The following ZNF670 variants were observed in gnomAD, a reference collection of about 807,000 sequenced individuals.
ZNF670 encodes zinc finger protein 670.
In ZNF670, 7 loss-of-function variants were observed where a neutral mutation model predicts 10.9. That is an observed-to-expected ratio of 0.64 (90% CI 0.36 to 1.20). The LOEUF is 1.20. Ranked by LOEUF, ZNF670 falls within the 50% of genes most tolerant of loss-of-function variation. The pLI, the probability that ZNF670 is intolerant of heterozygous loss-of-function variation, is 0.02. For missense variants in ZNF670, 446 were observed against 458.6 expected, an observed-to-expected ratio of 0.97 and a Z score of 0.25; for synonymous variants, 136 against 152.7, an observed-to-expected ratio of 0.89 and a Z score of 0.81.
chr1:247,074,078 G>C (rs1333398423), intron 1 of ZNF670, among the ~76,000 whole-genome samples: 1 of 152,064 alleles, frequency 6.6e-6, no homozygotes, highest in East Asian at 1.9e-4. Context: ...TGTTCTCCAG[G>C]AACAGCTTGG....
rs575658420 is a variant in ZNF670, at chr1:247,036,957, G to A, written c.*492C>T. On this transcript the variant is annotated 3_prime_UTR_variant, in exon 4 of 4. Transcript: ENST00000366503. ...TTAGAGAACAATTAAACAACTACAT[G>A]AAAATTAAAATTGCCTACTATTAGA... 1 of 152,542 alleles carries A rather than the reference G, an allele frequency of 6.6e-6. No homozygotes were observed. Among genetic ancestry groups the A allele is most frequent in the South Asian group, 2.0e-4 (1 of 4,926 alleles). 9.4% of individuals were successfully genotyped at this position (152,542 alleles called of 1,614,324 possible). A position where few individuals can be genotyped will look rare whatever the true frequency, so the allele number is the denominator to read the frequency against.
Position 247,036,371 on chromosome 1 carries a change from G to C in ZNF670, c.*1078C>G, listed in dbSNP as rs1670150168. On this transcript the variant is annotated 3_prime_UTR_variant, in exon 4 of 4. Transcript: ENST00000366503. ...TCTTCTTAATTCAAAGTAAAAAGTGGGCCAGGTGTGGTAGCTCATGTCAGT... is the reference window on the plus strand; with the variant it reads ...TCTTCTTAATTCAAAGTAAAAAGTGCGCCAGGTGTGGTAGCTCATGTCAGT... 6.6e-6 allele frequency among the ~76,000 whole-genome samples: 1 copy of C among 152,144 alleles called. No individual in the cohort carries two copies. Among genetic ancestry groups the C allele is most frequent in the Non-Finnish European group, 1.5e-5 (1 of 68,018 alleles).
At position 247,068,319 on chromosome 1, in the gene ZNF670, C is replaced by CAAAAAAAAAAAAAAAAAAAAAAA. The variant is rs74163724; in HGVS notation, c.3+10274_3+10275insTTTTTTTTTTTTTTTTTTTTTTT. On this transcript the variant is annotated intron_variant, in intron 1 of 3. Transcript: ENST00000366503. The stretch of plus-strand genomic sequence containing the variant: ...AGGTGACAGAGTAAGATTCTGTCTC[C>CAAAAAAAAAAAAAAAAAAAAAAA]AAAAAAAAAAAAAAAAAAGATGGGC... Among the ~76,000 whole-genome samples the CAAAAAAAAAAAAAAAAAAAAAAA allele has an allele frequency of 1.1e-3, 60 of 55,208 alleles. 4 individuals are homozygous for CAAAAAAAAAAAAAAAAAAAAAAA. The highest frequency in any genetic ancestry group is 2.5e-3 in the African/African-American group (24 of 9,700). The allele number at this position is 55,208 out of a possible 152,430, so 36.2% of individuals were successfully genotyped here.
rs141814433 is a variant in ZNF670, at chr1:247,075,143, A to T, written c.3+3451T>A. Among the ~76,000 whole-genome samples, 451 of 152,342 alleles carry T rather than the reference A, an allele frequency of 3.0e-3. 5 individuals are homozygous for T. Among genetic ancestry groups the T allele is most frequent in the African/African-American group, 0.01 (436 of 41,566 alleles). Reference sequence around the variant, plus strand: ...ATACCTCAACTGGAAAAGCCAAAGTATCTATCCCTATCATATAATAAATAT... The same window carrying T: ...ATACCTCAACTGGAAAAGCCAAAGTTTCTATCCCTATCATATAATAAATAT... On this transcript the variant is annotated intron_variant, in intron 1 of 3. Transcript: ENST00000366503.
intron 1 of ZNF670, among the ~76,000 whole-genome samples, chr1:247,077,989 A>G (rs190913549): frequency 4.3e-4 from 65 of 152,330 alleles, no homozygotes; most frequent in African/African-American, 6.7e-4. Context: ...GCCTTAAACA[A>G]CCACGAACCC....
chr1:247,037,555 T>C lies in ZNF670; in HGVS notation c.1064A>G (p.His355Arg), dbSNP rs372416787. Residue 355 changes from histidine to arginine, a missense_variant, in exon 4 of 4, where the codon CAT (histidine) becomes CGT (arginine). Transcript: ENST00000366503. ...SFTSSSALRS[H>R]ERTHTGEKPY... ...TTTTTCTCCAGTATGAGTCCTTTCA[T>C]GGCTTCGAAGGGCACTGGAAGAAGT... 9.9e-6 allele frequency: 16 copies of C among 1,614,032 alleles called. No homozygotes were observed. The African/African-American group carries it at 1.5e-4, about 15-fold the overall frequency.
At position 247,035,283 on chromosome 1, in the gene ZNF670, T is replaced by C. The variant is rs548694719; in HGVS notation, c.*2166A>G. ...GACACCCATGAGTGTACAGATAAGATTGAGAGAAGTTATTAGTTACATACA... is the reference window on the plus strand; with the variant it reads ...GACACCCATGAGTGTACAGATAAGACTGAGAGAAGTTATTAGTTACATACA... On this transcript the variant is annotated 3_prime_UTR_variant, in exon 4 of 4. Transcript: ENST00000366503. Among the ~76,000 whole-genome samples, 74 of 152,204 alleles carry C rather than the reference T, an allele frequency of 4.9e-4. No individual in the cohort carries two copies. Among genetic ancestry groups the C allele is most frequent in the Admixed American group, 2.4e-3 (37 of 15,290 alleles).
chr1:247,076,164 A>T (rs998313861), intron 1 of ZNF670, among the ~76,000 whole-genome samples: 2 of 152,094 alleles, frequency 1.3e-5, no homozygotes, highest in African/African-American at 4.8e-5. Context: ...TCACTGCATC[A>T]CTTTGGAGAT....
intron 1 of ZNF670, among the ~76,000 whole-genome samples, chr1:247,074,859 C>T (rs1020892331): frequency 6.6e-6 from 1 of 152,194 alleles, no homozygotes; most frequent in African/African-American, 2.4e-5. Context: ...AGGTACTGCT[C>T]CATGGCCCAG....
At position 247,037,771 on chromosome 1, in the gene ZNF670, C is replaced by T; in HGVS notation, c.848G>A (p.Cys283Tyr). Residue 283 changes from cysteine to tyrosine, a missense_variant, in exon 4 of 4, where the codon TGT (cysteine) becomes TAT (tyrosine). Coordinates refer to ENST00000366503, the MANE Select transcript of ZNF670 (RefSeq NM_033213.5). Reference sequence around the variant, plus strand: ...TCTAAAGGCTTTGCCACATTTTATACATTCATAGGGTTTTTCTCCAGTATG... The same window carrying T: ...TCTAAAGGCTTTGCCACATTTTATATATTCATAGGGTTTTTCTCCAGTATG... ...RTHTGEKPYE[C>Y]IKCGKAFRCS... 1 of 1,613,900 alleles carries T rather than the reference C, an allele frequency of 6.2e-7. No individual in the cohort carries two copies. The highest frequency in any genetic ancestry group is 1.1e-5 in the South Asian group (1 of 91,048).
intron 1 of ZNF670, among the ~76,000 whole-genome samples, chr1:247,068,597 T>C (rs920701316): frequency 2.7e-5 from 4 of 150,520 alleles, no homozygotes; most frequent in Non-Finnish European, 4.4e-5. Context: ...GGAGAAAACT[T>C]TGGAGATTCC....
rs1670141132 is a variant in ZNF670 at position 247,036,003 on chromosome 1, G to T, written c.*1446C>A. Among the ~76,000 whole-genome samples, 1 of 152,148 alleles carries T rather than the reference G, an allele frequency of 6.6e-6. No homozygotes were observed. Among genetic ancestry groups the T allele is most frequent in the African/African-American group, 2.4e-5 (1 of 41,422 alleles). On this transcript the variant is annotated 3_prime_UTR_variant, in exon 4 of 4. Transcript: ENST00000366503. Reference sequence around the variant, plus strand: ...TCGGAGCATTTCAGATTTGGTATTGGAATCTGGGGTTTACAGATGTTCAAC... The same window carrying T: ...TCGGAGCATTTCAGATTTGGTATTGTAATCTGGGGTTTACAGATGTTCAAC...
intron 1 of ZNF670, among the ~76,000 whole-genome samples, chr1:247,063,299 C>T (rs538592656): frequency 7.9e-5 from 12 of 152,210 alleles, no homozygotes; most frequent in Admixed American, 3.3e-4. Context: ...GAAGGCCAGG[C>T]GCGGTGGCTC....
At chr1:247,072,825 T>TATATATATATAC (rs1314965430) in intron 1 of ZNF670, among the ~76,000 whole-genome samples, 3 of 92,906 alleles carry the variant, frequency 3.2e-5, no homozygotes, top group Non-Finnish European at 6.4e-5. Flanking sequence ...TATATATATA[T>TATATATATATAC]ATATATATAT....
At chr1:247,052,183 G>T (rs553266415) in intron 1 of ZNF670, among the ~76,000 whole-genome samples, 4 of 152,254 alleles carry the variant, frequency 2.6e-5, no homozygotes, top group Non-Finnish European at 4.4e-5. Flanking sequence ...CATATTACCA[G>T]AATTGTTTTT....
chr1:247,074,573 T>C (rs1382532125), intron 1 of ZNF670, among the ~76,000 whole-genome samples: 1 of 152,196 alleles, frequency 6.6e-6, no homozygotes, highest in Non-Finnish European at 1.5e-5. Flanking sequence ...CCCACCTTTT[T>C]GGCATCAGGG....
intron 1 of ZNF670, among the ~76,000 whole-genome samples, chr1:247,073,365 T>C (rs1266935288): frequency 6.6e-6 from 1 of 151,748 alleles, no homozygotes; most frequent in Non-Finnish European, 1.5e-5. Context: ...AAGGTGGAGA[T>C]ACAGCCCAAG....
At chr1:247,071,514 G>T (rs976814746) in intron 1 of ZNF670, among the ~76,000 whole-genome samples, 3 of 152,154 alleles carry the variant, frequency 2.0e-5, no homozygotes, top group Non-Finnish European at 4.4e-5. Flanking sequence ...CTACCTATTG[G>T]TTACTATGTT....
rs539961090 is a variant in ZNF670 at position 247,076,533 on chromosome 1, G to A, written c.3+2061C>T. The stretch of plus-strand genomic sequence containing the variant: ...GGCCTCCCAAAGTGTTGGGATTACA[G>A]GCGTGAGCCACCGCACCTGGCCTGT... On this transcript the variant is annotated intron_variant, in intron 1 of 3. Coordinates refer to ENST00000366503, the MANE Select transcript of ZNF670 (RefSeq NM_033213.5). Among the ~76,000 whole-genome samples the A allele has an allele frequency of 3.3e-5, 5 of 152,294 alleles. No homozygotes were observed. In the South Asian group the frequency reaches 1.0e-3, roughly 32 times the overall value.
Sources: gnomAD v4.1 joint callset for allele counts (sites outside exome capture counted in the v4.1 genomes callset) on GRCh38, gnomAD v4.1.1 for gene constraint, MANE v1.5 for transcripts, NCBI Gene and HGNC (gene_info 2026-07-23, HGNC 2026-07-21) for gene names.